HEATR4: variants seen among roughly 807,000 people sequenced by gnomAD.
HEATR4 encodes the protein HEAT repeat containing 4.
A neutral mutation model predicts 108.8 loss-of-function variants in HEATR4; 95 were observed. That is an observed-to-expected ratio of 0.87 (90% CI 0.74 to 1.04). The LOEUF (loss-of-function observed/expected upper bound fraction) is 1.04. HEATR4 is among the 50% of genes least tolerant of loss of function. The probability of loss-of-function intolerance (pLI) is 0.00; values close to 1 mark genes in which losing one functional copy is unlikely to be tolerated. For missense variants in HEATR4, 1,152 were observed against 1,253.8 expected (o/e 0.92, Z 1.23); for synonymous variants, 443 against 459.4 (o/e 0.96, Z 0.46).
At position 73,522,977 on chromosome 14, in the gene HEATR4, C is replaced by G. The variant is rs764475068; in HGVS notation, c.176G>C (p.Arg59Pro). 1 of 1,614,084 alleles carries G rather than the reference C, an allele frequency of 6.2e-7. No homozygotes were observed. The highest frequency in any genetic ancestry group is 1.3e-5 in the African/African-American group (1 of 74,930). Residue 59 changes from arginine (R) to proline (P), a missense_variant, in exon 3 of 18, where the codon CGC becomes CCC. By Grantham distance (103) the Arg-to-Pro change is moderately radical (BLOSUM62 -2). Transcript: ENST00000553558. Reference protein sequence around the residue: ...VFFSSQYRLHRKSQYLKMAAA... With the variant: ...VFFSSQYRLHPKSQYLKMAAA... ...AGCCATTTTCAAATATTGGCTCTTG[C>G]GGTGTAGACGGTACTGTGAGCTGAA...
intron 2 of HEATR4, among the ~76,000 whole-genome samples, chr14:73,528,405 A>AAAAAC (rs946641577): frequency 2.6e-5 from 4 of 151,654 alleles, no homozygotes; most frequent in African/African-American, 9.7e-5. Flanking sequence ...AAAAAAAAAA[A>AAAAAC]AAAAAAAAAC....
the HEATR4 span, among the ~76,000 whole-genome samples, chr14:73,573,832 T>G: frequency 2.0e-5 from 3 of 152,018 alleles, no homozygotes; most frequent in African/African-American, 7.3e-5. Flanking sequence ...GTTCAAGTGA[T>G]TCTTGTGCCC....
intron 1 of HEATR4, chr14:73,537,745 G>T: frequency 1.6e-6 from 2 of 1,244,090 alleles, no homozygotes; most frequent in Non-Finnish European, 1.1e-6. Context: ...AGCTGGAGGT[G>T]CTGGATGGCC....
chr14:73,565,865 G>A, the HEATR4 span, among the ~76,000 whole-genome samples: 6 of 152,148 alleles, frequency 3.9e-5, no homozygotes, highest in Admixed American at 1.3e-4. Context: ...AGTGTGGAAG[G>A]GGGACCCCAG....
At chr14:73,578,990 C>T in the HEATR4 span, among the ~76,000 whole-genome samples, 2 of 150,524 alleles carry the variant, frequency 1.3e-5, no homozygotes, top group Non-Finnish European at 3.0e-5. Flanking sequence ...GAGGCTGAGG[C>T]AGGAGAATGG....
chr14:73,490,829 A>T, intron 17 of HEATR4: 1 of 526,038 alleles, frequency 1.9e-6, no homozygotes, highest in Non-Finnish European at 2.9e-6. Context: ...CGCTGCCGCT[A>T]CAGCTTGAAG....
the HEATR4 span, chr14:73,616,950 T>G: frequency 1.6e-6 from 1 of 613,734 alleles, no homozygotes; most frequent in East Asian, 2.6e-5. Flanking sequence ...TACTGTCTTT[T>G]GAGAAACTAA....
At chr14:73,484,833 GACACAC>G (rs529857941) in intron 17 of HEATR4, among the ~76,000 whole-genome samples, 11 of 141,554 alleles carry the variant, frequency 7.8e-5, no homozygotes, top group East Asian at 2.2e-4. Flanking sequence ...CACACACACA[GACACAC>G]ACACACACAC....
the HEATR4 span, chr14:73,569,243 G>A: frequency 6.2e-7 from 1 of 1,613,334 alleles, no homozygotes; most frequent in Non-Finnish European, 8.5e-7. Context: ...CCGAGAGGAT[G>A]TCTAACAAGC....
At chr14:73,576,105 GTTGCAGTGAGAAAAGA>G in the HEATR4 span, among the ~76,000 whole-genome samples, 1 of 151,742 alleles carries the variant, frequency 6.6e-6, no homozygotes, top group Non-Finnish European at 1.5e-5. Flanking sequence ...GTGAGAAGAG[GTTGCAGTGAGAAAAGA>G]TTGTGCTACT....
chr14:73,556,356 C>T (rs1181675458), intron 1 of HEATR4, among the ~76,000 whole-genome samples: 1 of 109,970 alleles, frequency 9.1e-6, no homozygotes, highest in African/African-American at 2.9e-5. Context: ...ACCCAGGAGG[C>T]GGAGGTTGCA....
chr14:73,590,715 G>T, the HEATR4 span, among the ~76,000 whole-genome samples: 4 of 151,782 alleles, frequency 2.6e-5, no homozygotes, highest in African/African-American at 9.7e-5. Context: ...TTGCGGGCCG[G>T]CCGGCCGCTC....
At chr14:73,491,711 C>T (rs1254146594) in intron 17 of HEATR4, 1 of 1,550,434 alleles carries the variant, frequency 6.4e-7, no homozygotes, top group Non-Finnish European at 8.7e-7. Flanking sequence ...GCTGGTGCGG[C>T]GGCAGGACCA....
chr14:73,524,310 A>AAAAAAAATAT lies in HEATR4; in HGVS notation c.-72-1087_-72-1086insATATTTTTTT. Among the ~76,000 whole-genome samples, 7 of 54,778 alleles carry AAAAAAAATAT rather than the reference A, an allele frequency of 1.3e-4. 1 individual carries two copies. The highest frequency in any genetic ancestry group is 5.6e-4 in the Admixed American group (2 of 3,590). 35.9% of individuals were successfully genotyped at this position (54,778 alleles called of 152,430 possible). A position where few individuals can be genotyped will look rare whatever the true frequency, so the allele number is the denominator to read the frequency against. On this transcript the variant is annotated intron_variant, in intron 2 of 17. Transcript: ENST00000553558. Reference sequence around the variant, plus strand: ...CTCCGTCTCAAAAAAAAAAAAAAAAAATATATATATATATATATATATATA... The same window carrying AAAAAAAATAT: ...CTCCGTCTCAAAAAAAAAAAAAAAAAAAAAAAATATATATATATATATATATATATATATA...
chr14:73,529,274 G>C (rs1339517910), intron 2 of HEATR4: 1 of 144,624 alleles, frequency 6.9e-6, no homozygotes, highest in Non-Finnish European at 1.5e-5. Flanking sequence ...AGAATTGCTT[G>C]AACCCAGGAG....
rs1448312798 is a variant in HEATR4 at position 73,553,459 on chromosome 14, C to T, written c.-152+5292G>A. Among the ~76,000 whole-genome samples, 7 of 111,990 alleles carry T rather than the reference C, an allele frequency of 6.3e-5. 3 individuals carry two copies. Among genetic ancestry groups the T allele is most frequent in the Non-Finnish European group, 1.4e-4 (7 of 51,252 alleles). The allele number at this position is 111,990 out of a possible 152,430, so 73.5% of individuals were successfully genotyped here. A position where few individuals can be genotyped will look rare whatever the true frequency, so the allele number is the denominator to read the frequency against. ...CCCAGAAGGTAGAGGTCCAGTGAGC[C>T]GGGATCGCGCCACTGCACTCCAGCC... On this transcript the variant is annotated intron_variant, in intron 1 of 17. Transcript: ENST00000553558.
the HEATR4 span, among the ~76,000 whole-genome samples, chr14:73,610,534 G>A: frequency 6.6e-6 from 1 of 151,742 alleles, no homozygotes; most frequent in Non-Finnish European, 1.5e-5. Context: ...CAAGTCATCC[G>A]CCCCCCTCGG....
rs754165408 is a variant in HEATR4, at chr14:73,492,080, A to G, written c.2844+986T>C. Reference sequence around the variant, plus strand: ...CTTCGTGCTGCAGCTGGAAGGTAGGAAACTCTGGCGTGTATACCGACCCCG... The same window carrying G: ...CTTCGTGCTGCAGCTGGAAGGTAGGGAACTCTGGCGTGTATACCGACCCCG... On this transcript the variant is annotated intron_variant, in intron 17 of 17. Transcript: ENST00000553558. This position sits in a 1 kb window ranked among gnomAD's most constrained non-coding sequence, Gnocchi z 4.9. 2.7e-5 allele frequency: 44 copies of G among 1,613,840 alleles called. No homozygotes were observed. The highest frequency in any genetic ancestry group is 3.5e-5 in the Non-Finnish European group (41 of 1,179,888).
intron 6 of HEATR4, among the ~76,000 whole-genome samples, chr14:73,512,882 A>G (rs959154118): frequency 3.3e-5 from 5 of 152,214 alleles, no homozygotes; most frequent in African/African-American, 1.2e-4. Flanking sequence ...TTCCTGCACT[A>G]ACTAAGCTTG....
Sources: gnomAD v4.1 joint callset for allele counts (sites outside exome capture counted in the v4.1 genomes callset) on GRCh38, gnomAD v4.1.1 for gene constraint, Gnocchi (gnomAD v3.1) non-coding constraint, MANE v1.5 for transcripts, NCBI Gene and HGNC (gene_info 2026-07-23, HGNC 2026-07-21) for gene names.